Variants in CD247 observed in about 807,000 individuals in gnomAD.
CD247 encodes the protein T-cell surface glycoprotein CD3 zeta chain.
CD247 carries 13 observed loss-of-function variants against 30.0 expected under a neutral mutation model. The observed-to-expected ratio is 0.43, with a 90% CI of 0.28 to 0.69. CD247 has a LOEUF of 0.69. CD247 is among the 30% of genes least tolerant of loss of function. The pLI is 0.16. For synonymous variants in CD247, 72 were observed against 80.0 expected (o/e 0.90, Z 0.53); for missense variants, 193 against 212.6 (o/e 0.91, Z 0.57).
chr1:167,464,913 CA>C (rs1294104088), intron 1 of CD247, among the ~76,000 whole-genome samples: 2 of 152,068 alleles, frequency 1.3e-5, no homozygotes, highest in African/African-American at 4.8e-5. Context: ...AAAACAAAAA[CA>C]AAAACAAAAA....
chr1:167,440,200 A>C, intron 2 of CD247: 1 of 240,354 alleles, frequency 4.2e-6, no homozygotes, highest in South Asian at 6.1e-5. Flanking sequence ...CTCTGCCCAC[A>C]CCATGACCAG....
At chr1:167,433,521 G>A (rs1651376053) in intron 6 of CD247, among the ~76,000 whole-genome samples, 1 of 152,206 alleles carries the variant, frequency 6.6e-6, no homozygotes, top group African/African-American at 2.4e-5. Context: ...CTTGTGCCTT[G>A]CAGGGCACAT....
At chr1:167,456,636 A>T (rs1475720197) in intron 1 of CD247, among the ~76,000 whole-genome samples, 1 of 152,060 alleles carries the variant, frequency 6.6e-6, no homozygotes, top group Non-Finnish European at 1.5e-5. Flanking sequence ...TCTCATGTAC[A>T]CCACCACTCT....
At chr1:167,493,773 G>A (rs1654555538) in intron 1 of CD247, among the ~76,000 whole-genome samples, 1 of 152,128 alleles carries the variant, frequency 6.6e-6, no homozygotes, top group Admixed American at 6.5e-5. Flanking sequence ...AGCTAGTTAG[G>A]GGCAGTGCTG....
intron 4 of CD247, among the ~76,000 whole-genome samples, chr1:167,437,138 C>T (rs970145785): frequency 2.0e-5 from 3 of 152,120 alleles, no homozygotes; most frequent in Admixed American, 6.5e-5. Flanking sequence ...TGTGGTGGCT[C>T]ACGCCTGGAA....
intron 1 of CD247, among the ~76,000 whole-genome samples, chr1:167,513,663 T>G (rs1223068387): frequency 6.6e-6 from 1 of 152,224 alleles, no homozygotes; most frequent in African/African-American, 2.4e-5. Context: ...TTTTAGTTCA[T>G]TAGTTAACAA....
chr1:167,484,783 A>C (rs1654134974), intron 1 of CD247, among the ~76,000 whole-genome samples: 1 of 152,178 alleles, frequency 6.6e-6, no homozygotes, highest in Non-Finnish European at 1.5e-5. Context: ...CTCAAAAACA[A>C]AACAAAACAA....
At chr1:167,451,821 A>G (rs1207560643) in intron 1 of CD247, among the ~76,000 whole-genome samples, 1 of 152,218 alleles carries the variant, frequency 6.6e-6, no homozygotes, top group Non-Finnish European at 1.5e-5. Context: ...AGAAGACAAG[A>G]TTAGGTCGGG....
Position 167,431,437 on chromosome 1 carries a change from C to G in CD247, c.*244G>C. The G allele has an allele frequency of 1.8e-6, 1 of 560,818 alleles. No homozygotes were observed. 34.7% of individuals were successfully genotyped at this position (560,818 alleles called of 1,614,324 possible). On this transcript the variant is annotated 3_prime_UTR_variant, in exon 8 of 8. Transcript: ENST00000362089. ...CCGCCAGGAGACAGGTCTACCTGCACCACCGGCAAACCAGAGGGCCCAAGG... is the reference window on the plus strand; with the variant it reads ...CCGCCAGGAGACAGGTCTACCTGCAGCACCGGCAAACCAGAGGGCCCAAGG...
chr1:167,464,723 T>G (rs1027648645), intron 1 of CD247, among the ~76,000 whole-genome samples: 1 of 152,170 alleles, frequency 6.6e-6, no homozygotes. Context: ...TGCCTGTAGT[T>G]TTTCTAGCTC....
rs1291576674 is a variant in CD247, at chr1:167,439,411, G to A, written c.163-11C>T. 6.2e-7 allele frequency: 1 copy of A among 1,613,934 alleles called. No homozygotes were observed. On this transcript the variant is annotated splice_polypyrimidine_tract_variant and intron_variant, in intron 2 of 7. Transcript: ENST00000362089. ...TGCGCTCCTGCTGAACTGCAACACAGAAAGCAAAGCGCGTTACTGCTCCGC... is the reference window on the plus strand; with the variant it reads ...TGCGCTCCTGCTGAACTGCAACACAAAAAGCAAAGCGCGTTACTGCTCCGC...
At chr1:167,433,155 G>T in intron 6 of CD247, 96 bp from the exon 7 acceptor site, 1 of 1,267,438 alleles carries the variant, frequency 7.9e-7, no homozygotes, top group Non-Finnish European at 1.2e-6. Context: ...TACCCAGGAA[G>T]TCAGAGGTAA....
At chr1:167,448,492 G>T in intron 1 of CD247, 2 of 985,390 alleles carry the variant, frequency 2.0e-6, no homozygotes, top group East Asian at 1.1e-4. Flanking sequence ...GCCGGCCTGG[G>T]GGGTTGACAG....
intron 1 of CD247, among the ~76,000 whole-genome samples, chr1:167,498,885 G>A (rs1335322881): frequency 1.3e-5 from 2 of 152,186 alleles, no homozygotes; most frequent in South Asian, 4.1e-4. Context: ...GAGTCAAGTG[G>A]TTGCTTTCTA....
intron 1 of CD247, among the ~76,000 whole-genome samples, chr1:167,470,446 A>T (rs1005058852): frequency 6.6e-5 from 10 of 150,984 alleles, no homozygotes; most frequent in Non-Finnish European, 2.9e-5. Context: ...AACTGGGGGA[A>T]ATATTTTTTT....
chr1:167,516,414 A>G (rs1174416050), intron 1 of CD247, among the ~76,000 whole-genome samples: 8 of 152,252 alleles, frequency 5.3e-5, no homozygotes, highest in Non-Finnish European at 1.5e-5. Flanking sequence ...GGCATTTCCA[A>G]AGAAATGCAA....
chr1:167,476,409 T>C (rs904496992), intron 1 of CD247, among the ~76,000 whole-genome samples: 1 of 152,248 alleles, frequency 6.6e-6, no homozygotes, highest in Non-Finnish European at 1.5e-5. Context: ...ATCTCTTAAT[T>C]TTCTTTCTTT....
At chr1:167,461,326 C>T (rs1427270005) in intron 1 of CD247, among the ~76,000 whole-genome samples, 2 of 152,230 alleles carry the variant, frequency 1.3e-5, no homozygotes, top group East Asian at 1.9e-4. Flanking sequence ...ATGGCAGCAT[C>T]GGCAGCACTC....
chr1:167,482,456 C>T (rs748267859), intron 1 of CD247, among the ~76,000 whole-genome samples: 1 of 152,198 alleles, frequency 6.6e-6, no homozygotes, highest in Non-Finnish European at 1.5e-5. Flanking sequence ...GTGGAGTGAA[C>T]GTCTTTCCTC....
Sources: gnomAD v4.1 joint callset for allele counts (sites outside exome capture counted in the v4.1 genomes callset) on GRCh38, gnomAD v4.1.1 for gene constraint, MANE v1.5 for transcripts, NCBI Gene and HGNC (gene_info 2026-07-23, HGNC 2026-07-21) for gene names.